CACNA1E: variants seen among roughly 807,000 people sequenced by gnomAD.
The protein encoded by CACNA1E is calcium voltage-gated channel subunit alpha1 E.
A neutral mutation model predicts 259.2 loss-of-function variants in CACNA1E; 40 were observed. The observed-to-expected ratio is 0.15, with a 90% confidence interval of 0.12 to 0.20. The LOEUF (loss-of-function observed/expected upper bound fraction) is 0.20, where lower values mean the gene tolerates loss of function less well. Among genes scored for constraint, CACNA1E ranks in the 10% least tolerant of loss-of-function variants. The pLI is 1.00. For synonymous variants in CACNA1E, 1,104 were observed against 1,138.5 expected (o/e 0.97, Z 0.61); for missense variants, 1,874 against 3,040.1 (o/e 0.62, Z 9.02).
intron 1 of CACNA1E, among the ~76,000 whole-genome samples, chr1:181,397,857 T>C (rs1458079799): frequency 6.6e-6 from 1 of 152,202 alleles, no homozygotes; most frequent in Non-Finnish European, 1.5e-5. Flanking sequence ...CAAAATGCTT[T>C]TACCCTATTG....
intron 2 of CACNA1E, among the ~76,000 whole-genome samples, chr1:181,449,754 T>C (rs1222082857): frequency 6.6e-6 from 1 of 152,250 alleles, no homozygotes; most frequent in Non-Finnish European, 1.5e-5. Context: ...TGAATTCCTT[T>C]GTTTTATTTC....
intron 1 of CACNA1E, among the ~76,000 whole-genome samples, chr1:181,405,989 T>C (rs2102111347): frequency 6.6e-6 from 1 of 152,356 alleles, no homozygotes; most frequent in South Asian, 2.1e-4. Flanking sequence ...TTGTCTATGC[T>C]GCTTTCACAC....
intron 22 of CACNA1E, 50 bp downstream of exon 22, chr1:181,736,484 G>A: frequency 6.5e-7 from 1 of 1,544,496 alleles, no homozygotes; most frequent in Non-Finnish European, 8.8e-7. Context: ...TAAACGGCCA[G>A]GTGTGAGGCA....
At chr1:181,487,159 C>A (rs934519462) in intron 1 of CACNA1E, among the ~76,000 whole-genome samples, 1 of 152,236 alleles carries the variant, frequency 6.6e-6, no homozygotes, top group African/African-American at 2.4e-5. Context: ...TTGAGACTTA[C>A]ACTTTCATTG....
rs1200821009 is a variant in CACNA1E at position 181,733,739 on chromosome 1, C to T, written c.3251C>T (p.Thr1084Ile). The T allele has an allele frequency of 1.3e-6, 2 of 1,550,288 alleles. No individual in the cohort carries two copies. Among genetic ancestry groups the T allele is most frequent in the Non-Finnish European group, 1.7e-6 (2 of 1,146,598 alleles). ...GACGTGGACCCCTTGGTGGACTCAA[C>T]CGTGGTGCACAGTGAGAGCACAGTC... is the stretch of plus-strand genomic sequence containing the variant. Reference protein sequence around the residue: ...IPDVDPLVDSTVVHISNKTDG... With the variant: ...IPDVDPLVDSIVVHISNKTDG... The change falls in exon 21 of 48, where the codon ACC becomes ATC. Residue 1084 changes from threonine to isoleucine, a missense_variant. Thr to Ile is a moderately conservative substitution (Grantham distance 89). Transcript: ENST00000367573.
rs1662125281 is a variant in CACNA1E, at chr1:181,799,638, C to T, written c.*804C>T. ...AGGGTCCACAAAGGTGCCTGAGGCT[C>T]TGGTAAGGGTGAAGATAAAAGTATT... is the stretch of plus-strand genomic sequence containing the variant. On this transcript the variant is annotated 3_prime_UTR_variant, in exon 48 of 48. Coordinates refer to ENST00000367573, the MANE Select transcript of CACNA1E (RefSeq NM_001205293.3). The T allele has an allele frequency of 6.6e-6, 1 of 152,484 alleles. No individual in the cohort carries two copies. Among genetic ancestry groups the T allele is most frequent in the South Asian group, 2.1e-4 (1 of 4,832 alleles). The allele number at this position is 152,484 out of a possible 1,614,324, so 9.4% of individuals were successfully genotyped here. A position where few individuals can be genotyped will look rare whatever the true frequency, so the allele number is the denominator to read the frequency against.
intron 1 of CACNA1E, among the ~76,000 whole-genome samples, chr1:181,367,162 C>T (rs1045942948): frequency 4.6e-5 from 7 of 152,172 alleles, no homozygotes; most frequent in South Asian, 2.1e-4. Context: ...GTTGTGGTTG[C>T]GCCTTCTGAT....
In CACNA1E at chr1:181,731,168, TC is replaced by T; in HGVS notation, c.2241-3del. 6.2e-7 allele frequency: 1 copy of T among 1,613,112 alleles called. No homozygotes were observed. The highest frequency in any genetic ancestry group is 8.5e-7 in the Non-Finnish European group (1 of 1,179,180). ...GTGAACTGAACCTGTCCATTTTTCT[TC>T]CCCAGAAGAGACAGAAGGAGAAGAC... On this transcript the variant is annotated splice_polypyrimidine_tract_variant and splice_region_variant and intron_variant, in intron 18 of 47. Transcript: ENST00000367573.
At chr1:181,774,395 T>C (rs1206587817) in intron 37 of CACNA1E, among the ~76,000 whole-genome samples, 2 of 152,184 alleles carry the variant, frequency 1.3e-5, no homozygotes, top group African/African-American at 4.8e-5. Flanking sequence ...CAGGCCCATG[T>C]TGGGATTAGG....
At chr1:181,750,991 G>T (rs1184502172) in intron 26 of CACNA1E, among the ~76,000 whole-genome samples, 3 of 152,068 alleles carry the variant, frequency 2.0e-5, no homozygotes, top group Admixed American at 6.5e-5. Flanking sequence ...GGTGGGGTAG[G>T]GGGGTAGGTA....
At chr1:181,389,919 A>G (rs553338480) in intron 1 of CACNA1E, among the ~76,000 whole-genome samples, 1 of 152,400 alleles carries the variant, frequency 6.6e-6, no homozygotes, top group South Asian at 2.1e-4. Flanking sequence ...CAGAAAATCA[A>G]TGAAGAGGCA....
chr1:181,429,130 C>G (rs537317399), intron 2 of CACNA1E, among the ~76,000 whole-genome samples: 1 of 152,160 alleles, frequency 6.6e-6, no homozygotes, highest in East Asian at 1.9e-4. Flanking sequence ...TACAGTCAAC[C>G]GAGATCACAA....
intron 6 of CACNA1E, among the ~76,000 whole-genome samples, chr1:181,603,593 C>T (rs368416278): frequency 3.9e-5 from 6 of 151,980 alleles, no homozygotes; most frequent in South Asian, 4.2e-4. Flanking sequence ...TGCACCTACC[C>T]GGAGACTTTG....
At chr1:181,465,659 A>C (rs923277820) in intron 2 of CACNA1E, among the ~76,000 whole-genome samples, 1 of 152,152 alleles carries the variant, frequency 6.6e-6, no homozygotes, top group African/African-American at 2.4e-5. Flanking sequence ...ATTTTATTAC[A>C]AGAAATTTTG....
chr1:181,548,526 C>T (rs1275538687), intron 3 of CACNA1E, among the ~76,000 whole-genome samples: 1 of 152,202 alleles, frequency 6.6e-6, no homozygotes, highest in East Asian at 1.9e-4. Flanking sequence ...AATAAGAAGT[C>T]TTTCTTTGTA....
At chr1:181,625,313 C>T (rs779376952) in intron 6 of CACNA1E, among the ~76,000 whole-genome samples, 14 of 152,106 alleles carry the variant, frequency 9.2e-5, no homozygotes, top group Admixed American at 2.6e-4. Context: ...AGCCAAACGT[C>T]GTCTTCTCTA....
chr1:181,395,883 A>G (rs537571260), intron 1 of CACNA1E, among the ~76,000 whole-genome samples: 152 of 152,376 alleles, frequency 1.0e-3, no homozygotes, highest in African/African-American at 3.4e-3. Context: ...TTTGCTATCT[A>G]TCATTGTGTA....
rs763621649 is a variant in CACNA1E, at chr1:181,721,740, G to A, written c.1957-18G>A. ...TCCAGCCCAGGTTTCTGATGCGCCTGTCATTTGCTTTTTGTAGATCCTGAC... is the reference window on the plus strand; with the variant it reads ...TCCAGCCCAGGTTTCTGATGCGCCTATCATTTGCTTTTTGTAGATCCTGAC... On this transcript the variant is annotated intron_variant, in intron 15 of 47. Transcript: ENST00000367573. 7.8e-6 allele frequency: 12 copies of A among 1,542,560 alleles called. No individual in the cohort carries two copies. The East Asian group carries it at 2.0e-4, about 26-fold the overall frequency.
intron 6 of CACNA1E, among the ~76,000 whole-genome samples, chr1:181,614,152 T>C (rs1199928197): frequency 6.6e-6 from 1 of 152,220 alleles, no homozygotes; most frequent in Non-Finnish European, 1.5e-5. Flanking sequence ...AAAAGTATAA[T>C]GTTTTTGTAC....
Sources: gnomAD v4.1 joint callset for allele counts (sites outside exome capture counted in the v4.1 genomes callset) on GRCh38, gnomAD v4.1.1 for gene constraint, MANE v1.5 for transcripts, NCBI Gene and HGNC (gene_info 2026-07-23, HGNC 2026-07-21) for gene names.